The following PTPRR variants were observed in gnomAD, a reference collection of about 807,000 sequenced individuals.
The protein encoded by PTPRR is receptor-type tyrosine-protein phosphatase R.
A neutral mutation model predicts 77.2 loss-of-function variants in PTPRR; 38 were observed. The ratio of observed to expected loss-of-function variants is 0.49; its 90% CI spans 0.38 to 0.65. The LOEUF is 0.65. Among genes scored for constraint, PTPRR ranks in the 30% least tolerant of loss-of-function variants. The pLI is 0.00. For missense variants in PTPRR, 744 were observed against 799.2 expected (o/e 0.93, Z 0.83); for synonymous variants, 299 against 283.1 (o/e 1.06, Z -0.57).
intron 1 of PTPRR, among the ~76,000 whole-genome samples, chr12:70,915,060 T>C (rs999353837): frequency 4.6e-5 from 7 of 151,980 alleles, no homozygotes; most frequent in African/African-American, 1.7e-4. Context: ...AACCATTAAA[T>C]AATACACAGC....
Position 70,673,062 on chromosome 12 carries a change from G to T in PTPRR, c.1498-10457C>A, listed in dbSNP as rs970679729. On this transcript the variant is annotated intron_variant, in intron 10 of 13. Coordinates refer to ENST00000283228, the MANE Select transcript of PTPRR (RefSeq NM_002849.4). ...AAAAAAAAAAAAAGAAAGAAAGAAA[G>T]AAATATATATTTGACTTATACAGCA... The T allele has an allele frequency of 1.8e-4, 211 of 1,151,832 alleles. 1 individual carries two copies. In the African/African-American group the frequency reaches 3.5e-3, roughly 19 times the overall value. 71.4% of individuals were successfully genotyped at this position (1,151,832 alleles called of 1,614,324 possible).
At chr12:70,833,208 A>G (rs1242359806) in intron 2 of PTPRR, among the ~76,000 whole-genome samples, 1 of 152,142 alleles carries the variant, frequency 6.6e-6, no homozygotes, top group Non-Finnish European at 1.5e-5. Flanking sequence ...GATAAGTAGC[A>G]GGAAAAGAAG....
chr12:70,879,935 G>T (rs1431035707), intron 2 of PTPRR, among the ~76,000 whole-genome samples: 1 of 152,152 alleles, frequency 6.6e-6, no homozygotes, highest in Non-Finnish European at 1.5e-5. Flanking sequence ...AATAAATTAG[G>T]CATTCAGTAA....
chr12:70,704,091 G>A (rs762584318), intron 6 of PTPRR, among the ~76,000 whole-genome samples: 6 of 151,956 alleles, frequency 3.9e-5, no homozygotes, highest in Non-Finnish European at 7.4e-5. Context: ...AGAGATGAGA[G>A]AGAAGCAACA....
chr12:70,720,256 A>G (rs1236696494), intron 6 of PTPRR, among the ~76,000 whole-genome samples: 1 of 152,150 alleles, frequency 6.6e-6, no homozygotes, highest in East Asian at 1.9e-4. Context: ...TCTCTGCAGT[A>G]ATGTACTCTG....
chr12:70,698,147 C>T (rs1400556807), intron 8 of PTPRR, 118 bp downstream of exon 8: 4 of 700,514 alleles, frequency 5.7e-6, no homozygotes, highest in Non-Finnish European at 9.9e-6. Flanking sequence ...ATACATGTGC[C>T]ATTGTGGTTT....
chr12:70,794,243 A>G (rs1223365625), intron 2 of PTPRR, among the ~76,000 whole-genome samples: 2 of 152,220 alleles, frequency 1.3e-5, no homozygotes, highest in Admixed American at 6.5e-5. Context: ...GTTGCCAAAA[A>G]TACAGACCTA....
rs375036764 is a variant in PTPRR, at chr12:70,662,656, A to G, written c.1498-51T>C. 12 of 1,070,816 alleles carry G rather than the reference A, an allele frequency of 1.1e-5. No individual in the cohort carries two copies. The African/African-American group carries it at 1.6e-4, about 14-fold the overall frequency. The allele number at this position is 1,070,816 out of a possible 1,614,324, so 66.3% of individuals were successfully genotyped here. A position where few individuals can be genotyped will look rare whatever the true frequency, so the allele number is the denominator to read the frequency against. On this transcript the variant is annotated intron_variant, in intron 10 of 13. Coordinates refer to ENST00000283228, the MANE Select transcript of PTPRR (RefSeq NM_002849.4). ...CAAATATTAATGGCTTTTATTAGCC[A>G]TGGAGTACTTTTCATTCAAGCATCT... is the stretch of plus-strand genomic sequence containing the variant.
At chr12:70,668,263 T>TGAAGAAGAGGAG (rs202101029) in intron 10 of PTPRR, among the ~76,000 whole-genome samples, 9,186 of 151,568 alleles carry the variant, frequency 0.061, 444 homozygotes, top group Admixed American at 0.15. Context: ...AGGATAAGGA[T>TGAAGAAGAGGAG]GAAGAAGAGG....
intron 2 of PTPRR, among the ~76,000 whole-genome samples, chr12:70,850,007 A>C (rs1892545794): frequency 6.6e-6 from 1 of 152,272 alleles, no homozygotes; most frequent in South Asian, 2.1e-4. Flanking sequence ...ATTCTAATAA[A>C]ATCAAAATTA....
At chr12:70,677,045 T>C (rs1294742300) in intron 10 of PTPRR, among the ~76,000 whole-genome samples, 1 of 152,154 alleles carries the variant, frequency 6.6e-6, no homozygotes, top group Non-Finnish European at 1.5e-5. Flanking sequence ...TTCCACTCCA[T>C]GAACACAGGA....
intron 5 of PTPRR, among the ~76,000 whole-genome samples, chr12:70,750,277 T>C (rs56360801): frequency 0.022 from 3,373 of 152,282 alleles, 120 homozygotes; most frequent in African/African-American, 0.077. Flanking sequence ...TATAATTTTA[T>C]AATAAAACCC....
At chr12:70,797,870 ACTTT>A (rs949514228) in intron 2 of PTPRR, among the ~76,000 whole-genome samples, 2 of 151,998 alleles carry the variant, frequency 1.3e-5, no homozygotes, top group Admixed American at 1.3e-4. Flanking sequence ...CTGCCTGGAC[ACTTT>A]CTATTTCTAC....
chr12:70,790,815 C>T (rs1022890756), intron 2 of PTPRR, among the ~76,000 whole-genome samples: 4 of 152,096 alleles, frequency 2.6e-5, no homozygotes, highest in Admixed American at 6.5e-5. Context: ...GCATTCCAGC[C>T]TGGGTGACAG....
rs565587661 is a variant in PTPRR, at chr12:70,920,461, A to G, written c.-71T>C. On this transcript the variant is annotated 5_prime_UTR_variant, in exon 1 of 14. Transcript: ENST00000283228. Reference sequence around the variant, plus strand: ...CTTCAGGTAAAGTGCTATTAGAAAGAGCCACCGCCAAGGGTCTTCTAGTCT... The same window carrying G: ...CTTCAGGTAAAGTGCTATTAGAAAGGGCCACCGCCAAGGGTCTTCTAGTCT... The G allele has an allele frequency of 1.5e-3, 2,184 of 1,460,120 alleles. 3 individuals carry two copies. Among genetic ancestry groups the G allele is most frequent in the Non-Finnish European group, 1.8e-3 (1,889 of 1,056,364 alleles). 90.4% of individuals were successfully genotyped at this position (1,460,120 alleles called of 1,614,324 possible).
intron 2 of PTPRR, among the ~76,000 whole-genome samples, chr12:70,767,919 G>A (rs1481318526): frequency 4.6e-5 from 7 of 152,078 alleles, no homozygotes; most frequent in Non-Finnish European, 8.8e-5. Flanking sequence ...TGACTACTGG[G>A]TACATAACGA....
chr12:70,888,268 A>C (rs1402108959), intron 2 of PTPRR, among the ~76,000 whole-genome samples: 1 of 152,182 alleles, frequency 6.6e-6, no homozygotes, highest in East Asian at 1.9e-4. Flanking sequence ...TGCTTAGCAA[A>C]AAATAATTTA....
In PTPRR at chr12:70,726,041, C is replaced by A. The variant is rs1419308270; in HGVS notation, c.1007+19777G>T. Among the ~76,000 whole-genome samples the A allele has an allele frequency of 3.3e-5, 5 of 151,356 alleles. No homozygotes were observed. In the East Asian group the frequency reaches 9.7e-4, roughly 29 times the overall value. ...GATCACAAGTGATATTTTTCAACAT[C>A]TTCTTTGTATGACATTACCCAGAAG... On this transcript the variant is annotated intron_variant, in intron 6 of 13. Transcript: ENST00000283228.
At position 70,759,764 on chromosome 12, in the gene PTPRR, T is replaced by G. The variant is rs1890650655; in HGVS notation, c.627+1707A>C. Among the ~76,000 whole-genome samples, 7 of 130,404 alleles carry G rather than the reference T, an allele frequency of 5.4e-5. No individual in the cohort carries two copies. In the South Asian group the frequency reaches 1.1e-3, roughly 21 times the overall value. 85.6% of individuals were successfully genotyped at this position (130,404 alleles called of 152,430 possible). A position where few individuals can be genotyped will look rare whatever the true frequency, so the allele number is the denominator to read the frequency against. On this transcript the variant is annotated intron_variant, in intron 4 of 13. Coordinates refer to ENST00000283228, the MANE Select transcript of PTPRR (RefSeq NM_002849.4). Reference sequence around the variant, plus strand: ...ACAAAAGCATGAAGGAAGGAGAGAATATGGTGTATCATAGATCTATCGAGT... The same window carrying G: ...ACAAAAGCATGAAGGAAGGAGAGAAGATGGTGTATCATAGATCTATCGAGT...
Sources: gnomAD v4.1 joint callset for allele counts (sites outside exome capture counted in the v4.1 genomes callset) on GRCh38, gnomAD v4.1.1 for gene constraint, MANE v1.5 for transcripts, NCBI Gene and HGNC (gene_info 2026-07-23, HGNC 2026-07-21) for gene names.